CCSER1: variants seen among roughly 807,000 people sequenced by gnomAD.
CCSER1 encodes serine-rich coiled-coil domain-containing protein 1.
Under a neutral mutation model 82.0 loss-of-function variants are expected in CCSER1, and 41 were observed. That is an observed-to-expected ratio of 0.50 (90% CI 0.39 to 0.65). The LOEUF (loss-of-function observed/expected upper bound fraction) is 0.65. CCSER1 is among the 30% of genes least tolerant of loss of function. CCSER1 has a pLI of 0.00. For missense variants in CCSER1, 1,119 were observed against 1,064.2 expected, an observed-to-expected ratio of 1.05 and a Z score of -0.72; for synonymous variants, 414 against 383.9, an observed-to-expected ratio of 1.08 and a Z score of -0.92.
intron 6 of CCSER1, among the ~76,000 whole-genome samples, chr4:90,691,467 C>T (rs1308719237): frequency 7.0e-6 from 1 of 142,760 alleles, no homozygotes; most frequent in African/African-American, 2.5e-5. Flanking sequence ...CACATATATA[C>T]ACACATGTAT....
chr4:90,749,375 C>T (rs922607797), intron 7 of CCSER1, among the ~76,000 whole-genome samples: 21 of 151,644 alleles, frequency 1.4e-4, no homozygotes, highest in Non-Finnish European at 2.8e-4. Context: ...TCTGAGGGCT[C>T]TGTTCTGTTC....
chr4:91,194,561 T>A (rs975916246), intron 10 of CCSER1, among the ~76,000 whole-genome samples: 1 of 152,158 alleles, frequency 6.6e-6, no homozygotes, highest in African/African-American at 2.4e-5. Flanking sequence ...AATTATTGAT[T>A]GTCATAGCAT....
At chr4:91,252,041 A>C (rs1318923954) in intron 10 of CCSER1, among the ~76,000 whole-genome samples, 1 of 152,186 alleles carries the variant, frequency 6.6e-6, no homozygotes, top group Non-Finnish European at 1.5e-5. Flanking sequence ...ATTATAATCA[A>C]ACTTTTCGAA....
intron 7 of CCSER1, among the ~76,000 whole-genome samples, chr4:90,741,783 A>G (rs1213045143): frequency 1.3e-5 from 2 of 152,192 alleles, no homozygotes; most frequent in East Asian, 3.8e-4. Context: ...ATTTACTACT[A>G]ATGTGCTCAT....
chr4:91,132,164 CAG>C (rs1250192133), intron 10 of CCSER1, among the ~76,000 whole-genome samples: 1 of 151,876 alleles, frequency 6.6e-6, no homozygotes, highest in African/African-American at 2.4e-5. Flanking sequence ...TTGAAAATGA[CAG>C]AAGTTTAAAT....
intron 5 of CCSER1, among the ~76,000 whole-genome samples, chr4:90,503,639 A>C (rs1293490856): frequency 1.3e-5 from 2 of 151,722 alleles, no homozygotes; most frequent in African/African-American, 4.8e-5. Flanking sequence ...TTCAATTCCC[A>C]CCTATGAGTG....
intron 10 of CCSER1, among the ~76,000 whole-genome samples, chr4:91,333,871 C>G (rs539340114): frequency 1.3e-5 from 2 of 151,984 alleles, no homozygotes; most frequent in Middle Eastern, 6.8e-3. Context: ...TGACTTATGT[C>G]TGAGTGACAT....
intron 8 of CCSER1, among the ~76,000 whole-genome samples, chr4:90,906,720 A>G (rs1725530279): frequency 6.6e-6 from 1 of 152,078 alleles, no homozygotes; most frequent in Non-Finnish European, 1.5e-5. Context: ...AATCTTTATC[A>G]TATATTCAAG....
chr4:90,832,085 CTT>C (rs143981503), intron 8 of CCSER1, among the ~76,000 whole-genome samples: 25,388 of 151,108 alleles, frequency 0.17, 2,568 homozygotes, highest in South Asian at 0.27. Context: ...CTATGTGACT[CTT>C]TTTTTTTCCT....
intron 1 of CCSER1, among the ~76,000 whole-genome samples, chr4:90,194,466 G>A (rs983195055): frequency 2.6e-5 from 4 of 151,992 alleles, no homozygotes; most frequent in African/African-American, 4.8e-5. Flanking sequence ...ATACTTCAGT[G>A]ATGATAGGTT....
At chr4:90,593,339 A>C (rs144900217) in intron 5 of CCSER1, among the ~76,000 whole-genome samples, 2,049 of 152,246 alleles carry the variant, frequency 0.013, 18 homozygotes, top group Non-Finnish European at 0.02. Flanking sequence ...ACAAAGAATT[A>C]GATGAAAATG....
intron 10 of CCSER1, among the ~76,000 whole-genome samples, chr4:91,545,881 T>TA (rs1350301387): frequency 1.3e-5 from 2 of 152,168 alleles, no homozygotes; most frequent in Non-Finnish European, 2.9e-5. Context: ...AAAGAAAACT[T>TA]AAAGTTTATT....
chr4:90,781,565 G>T (rs1327363012), intron 7 of CCSER1: 3 of 977,134 alleles, frequency 3.1e-6, no homozygotes, highest in African/African-American at 3.5e-5. Context: ...ATACATAAAT[G>T]AGTTAAATTG....
At chr4:91,408,827 A>T (rs1367563719) in intron 10 of CCSER1, among the ~76,000 whole-genome samples, 3 of 152,206 alleles carry the variant, frequency 2.0e-5, no homozygotes, top group African/African-American at 7.2e-5. Flanking sequence ...ACAGTGCTTT[A>T]TATTTTTTAA....
In CCSER1 at chr4:91,312,337, G is replaced by A. The variant is rs566366377; in HGVS notation, c.2217+226343G>A. Among the ~76,000 whole-genome samples the A allele has an allele frequency of 2.6e-5, 4 of 151,820 alleles. No individual in the cohort carries two copies. In the South Asian group the frequency reaches 6.2e-4, roughly 24 times the overall value. On this transcript the variant is annotated intron_variant, in intron 10 of 10. Coordinates refer to ENST00000509176, the MANE Select transcript of CCSER1 (RefSeq NM_001145065.2). ...AGGAGAAAGAGGCAGAGATTCCAAT[G>A]TGGTGGTAAGAGTGATGAGACATGT...
At chr4:91,153,502 CCTT>C (rs1730471631) in intron 10 of CCSER1, among the ~76,000 whole-genome samples, 1 of 151,936 alleles carries the variant, frequency 6.6e-6, no homozygotes, top group South Asian at 2.1e-4. Flanking sequence ...TCTTCTGAAG[CCTT>C]CTTCTCTCAA....
At chr4:91,040,682 C>G (rs1429459334) in intron 9 of CCSER1, among the ~76,000 whole-genome samples, 1 of 152,048 alleles carries the variant, frequency 6.6e-6, no homozygotes, top group Non-Finnish European at 1.5e-5. Flanking sequence ...AATAAAATAA[C>G]CCAAGATTTT....
chr4:91,284,259 A>G (rs557580312), intron 10 of CCSER1, among the ~76,000 whole-genome samples: 1 of 152,266 alleles, frequency 6.6e-6, no homozygotes, highest in African/African-American at 2.4e-5. Flanking sequence ...TTTTTGCCAC[A>G]GCTAATGAGA....
At chr4:90,780,718 C>T in intron 7 of CCSER1, 1 of 1,297,108 alleles carries the variant, frequency 7.7e-7, no homozygotes, top group Non-Finnish European at 9.7e-7. Flanking sequence ...GGCCTCCTTG[C>T]TCCAAGAATA....
Sources: gnomAD v4.1 joint callset for allele counts (sites outside exome capture counted in the v4.1 genomes callset) on GRCh38, gnomAD v4.1.1 for gene constraint, MANE v1.5 for transcripts, NCBI Gene and HGNC (gene_info 2026-07-23, HGNC 2026-07-21) for gene names.